Variants in CCNK observed in about 807,000 individuals in gnomAD.
CCNK encodes cyclin-K.
A neutral mutation model predicts 65.0 loss-of-function variants in CCNK; 9 were observed. That is an observed-to-expected ratio of 0.14 (90% CI 0.08 to 0.24). The LOEUF is 0.24. CCNK is among the 10% of genes least tolerant of loss of function. The pLI, the probability that CCNK is intolerant of heterozygous loss-of-function variation, is 1.00. For synonymous variants in CCNK, 279 were observed against 270.8 expected (o/e 1.03, Z -0.30); for missense variants, 474 against 720.0 (o/e 0.66, Z 3.91).
intron 4 of CCNK, among the ~76,000 whole-genome samples, chr14:99,499,751 G>A (rs1403798098): frequency 1.3e-5 from 2 of 152,150 alleles, no homozygotes; most frequent in South Asian, 2.1e-4. Flanking sequence ...AATATCCAAG[G>A]TTAAACCTTG....
chr14:99,491,197 T>A lies in CCNK; in HGVS notation c.-52-1429T>A, dbSNP rs3918060. Reference sequence around the variant, plus strand: ...ACTACAGTGAATAATCTTGTGCACATGTTGTTTCATAGTTGTGACATTTCA... The same window carrying A: ...ACTACAGTGAATAATCTTGTGCACAAGTTGTTTCATAGTTGTGACATTTCA... On this transcript the variant is annotated intron_variant, in intron 1 of 10. Coordinates refer to ENST00000389879, the MANE Select transcript of CCNK (RefSeq NM_001099402.2). 9.9e-3 allele frequency among the ~76,000 whole-genome samples: 1,501 copies of A among 152,292 alleles called. 13 individuals carry two copies. The highest frequency in any genetic ancestry group is 0.013 in the Admixed American group (197 of 15,292).
chr14:99,506,854 C>A, intron 9 of CCNK: 1 of 517,624 alleles, frequency 1.9e-6, no homozygotes, highest in Non-Finnish European at 3.5e-6. Flanking sequence ...AATGGGCTGC[C>A]TGTGGGAAGC....
intron 1 of CCNK, chr14:99,492,328 A>G (rs980935353): frequency 9.8e-6 from 2 of 204,050 alleles, no homozygotes; most frequent in African/African-American, 4.7e-5. Flanking sequence ...AAAGTGAGAT[A>G]TACTTCGTTT....
chr14:99,483,596 T>G (rs1896410387), intron 1 of CCNK, among the ~76,000 whole-genome samples: 1 of 152,210 alleles, frequency 6.6e-6, no homozygotes, highest in Admixed American at 6.5e-5. Flanking sequence ...TGTTACAGTT[T>G]ACTAGACTGG....
rs149679670 is a variant in CCNK at position 99,497,669 on chromosome 14, T to C, written c.411+2040T>C. Among the ~76,000 whole-genome samples the C allele has an allele frequency of 2.9e-3, 439 of 152,376 alleles. 1 individual carries two copies. The highest frequency in any genetic ancestry group is 9.8e-3 in the African/African-American group (408 of 41,582). On this transcript the variant is annotated intron_variant, in intron 4 of 10. Transcript: ENST00000389879. The stretch of plus-strand genomic sequence containing the variant: ...AGCTTGTATTGTCTCACAATAGTTA[T>C]CTTTTTCTCTGCCAAGCATTATGTA...
rs1896886390 is a variant in CCNK at position 99,503,277 on chromosome 14, C to A, written c.1011+293C>A. On this transcript the variant is annotated intron_variant, in intron 8 of 10. Coordinates refer to ENST00000389879, the MANE Select transcript of CCNK (RefSeq NM_001099402.2). ...TGTCGTTGCCGTGTCCTAGCAGTGT[C>A]GTTGTGCATGCTGCTTCTGTGCAGC... 9 of 623,808 alleles carry A rather than the reference C, an allele frequency of 1.4e-5. 1 individual carries two copies. The South Asian group carries it at 1.6e-4, about 11-fold the overall frequency. 38.6% of individuals were successfully genotyped at this position (623,808 alleles called of 1,614,324 possible). A position where few individuals can be genotyped will look rare whatever the true frequency, so the allele number is the denominator to read the frequency against.
In CCNK at chr14:99,512,314, C is replaced by G. The variant is rs373138565; in HGVS notation, c.*1532C>G. 5.9e-5 allele frequency: 9 copies of G among 151,882 alleles called. No individual in the cohort carries two copies. Among genetic ancestry groups the G allele is most frequent in the Non-Finnish European group, 8.8e-5 (6 of 68,010 alleles). The allele number at this position is 151,882 out of a possible 1,614,324, so 9.4% of individuals were successfully genotyped here. On this transcript the variant is annotated 3_prime_UTR_variant, in exon 11 of 11. Transcript: ENST00000389879. The stretch of plus-strand genomic sequence containing the variant: ...AGAAAATAGACGTAGCTGCCGGGCC[C>G]GGGGACAGAAACCAGACGTTCCAGT...
At chr14:99,495,972 C>T (rs2139861961) in intron 4 of CCNK, among the ~76,000 whole-genome samples, 1 of 152,178 alleles carries the variant, frequency 6.6e-6, no homozygotes. Context: ...GCTTCTGGGT[C>T]AAACAAAAGT....
intron 2 of CCNK, among the ~76,000 whole-genome samples, 165 bp from the exon 3 acceptor site, chr14:99,493,349 A>G (rs1021246344): frequency 6.6e-6 from 1 of 152,128 alleles, no homozygotes; most frequent in African/African-American, 2.4e-5. Context: ...TAATTCTTGT[A>G]CCAGAATTCT....
intron 5 of CCNK, chr14:99,501,116 A>G: frequency 1.7e-6 from 1 of 600,596 alleles, no homozygotes; most frequent in Non-Finnish European, 2.9e-6. Flanking sequence ...GAATTTTTTA[A>G]ATGGACTAAT....
intron 6 of CCNK, 71 bp downstream of exon 6, chr14:99,501,484 T>C: frequency 9.7e-7 from 1 of 1,028,948 alleles, no homozygotes; most frequent in Non-Finnish European, 1.5e-6. Flanking sequence ...CCATTTCATC[T>C]AAACCCCTCA....
At chr14:99,502,184 C>CTTTTTTTTTTTTTTTTTTT in intron 6 of CCNK, 23 bp from the exon 7 acceptor site, 1 of 1,532,404 alleles carries the variant, frequency 6.5e-7, no homozygotes, top group East Asian at 2.4e-5. Flanking sequence ...ATTATCTAAC[C>CTTTTTTTTTTTTTTTTTTT]TTTTTTTTTC....
At chr14:99,492,164 A>G (rs1239216951) in intron 1 of CCNK, 1 of 153,040 alleles carries the variant, frequency 6.5e-6, no homozygotes, top group African/African-American at 2.4e-5. Flanking sequence ...AAGTGCCTAC[A>G]TGGAATAAAC....
At position 99,492,631 on chromosome 14, in the gene CCNK, T is replaced by C. The variant is rs1896619096; in HGVS notation, c.-47T>C. The stretch of plus-strand genomic sequence containing the variant: ...TGTTTTTCTCTTTCTCATAGGATTC[T>C]AACATTTTCAGAGAACCTTTTGGAA... On this transcript the variant is annotated 5_prime_UTR_variant, in exon 2 of 11. Transcript: ENST00000389879. 3 of 1,513,394 alleles carry C rather than the reference T, an allele frequency of 2.0e-6. No individual in the cohort carries two copies. In the South Asian group the frequency reaches 3.7e-5, roughly 19 times the overall value. 93.7% of individuals were successfully genotyped at this position (1,513,394 alleles called of 1,614,324 possible). A position where few individuals can be genotyped will look rare whatever the true frequency, so the allele number is the denominator to read the frequency against.
chr14:99,507,144 C>T lies in CCNK; in HGVS notation c.1114C>T (p.Pro372Ser). 6.3e-7 allele frequency: 1 copy of T among 1,597,398 alleles called. No homozygotes were observed. Among genetic ancestry groups the T allele is most frequent in the South Asian group, 1.1e-5 (1 of 90,718 alleles). The change falls in exon 10 of 11, where the codon CCA becomes TCA. Residue 372 changes from proline (P) to serine (S), a missense_variant. By Grantham distance (74) the Pro-to-Ser change is moderately conservative. This residue lies in a region of CCNK where 229 missense variants were observed against 275.5 expected (regional missense o/e 0.83). Coordinates refer to ENST00000389879, the MANE Select transcript of CCNK (RefSeq NM_001099402.2). Reference sequence around the variant, plus strand: ...ACCGTTGCCTCCAGCCCACCCACCTCCAGGTAAGCATCTGCTGAAGCAGCT... The same window carrying T: ...ACCGTTGCCTCCAGCCCACCCACCTTCAGGTAAGCATCTGCTGAAGCAGCT... ...HPPLPPAHPP[P>S]DRKPPLAAAL...
chr14:99,499,998 T>A (rs919723569), intron 4 of CCNK, among the ~76,000 whole-genome samples: 2 of 152,308 alleles, frequency 1.3e-5, no homozygotes, highest in South Asian at 2.1e-4. Flanking sequence ...ACCCAGAAAC[T>A]GTTTGAAAAA....
rs768463516 is a variant in CCNK, at chr14:99,510,260, G to A, written c.1221G>A (p.Pro407=). The A allele has an allele frequency of 1.1e-4, 45 of 407,000 alleles. No homozygotes were observed. Among genetic ancestry groups the A allele is most frequent in the Admixed American group, 5.0e-4 (9 of 17,832 alleles). The allele number at this position is 407,000 out of a possible 1,614,324, so 25.2% of individuals were successfully genotyped here. A position where few individuals can be genotyped will look rare whatever the true frequency, so the allele number is the denominator to read the frequency against. Residue 407 remains proline, a synonymous_variant, in exon 11 of 11, where the codon CCG becomes CCA. Coordinates refer to ENST00000389879, the MANE Select transcript of CCNK (RefSeq NM_001099402.2). ...TCCAGATTCCCCCTCCGGCCCACCCGGCCCCTGTGCACCAGCCACCGCCGC... is the reference window on the plus strand; with the variant it reads ...TCCAGATTCCCCCTCCGGCCCACCCAGCCCCTGTGCACCAGCCACCGCCGC... ...PKVQIPPPAH[P]APVHQPPPLP...
intron 1 of CCNK, among the ~76,000 whole-genome samples, chr14:99,485,834 A>G (rs1164381616): frequency 6.6e-6 from 1 of 152,142 alleles, no homozygotes; most frequent in Admixed American, 6.5e-5. Context: ...CCTGGATGAC[A>G]GAGGGAGACT....
intron 1 of CCNK, among the ~76,000 whole-genome samples, chr14:99,487,998 A>G (rs373242892): frequency 2.6e-5 from 4 of 152,184 alleles, no homozygotes; most frequent in East Asian, 1.9e-4. Flanking sequence ...GAATAGTGCA[A>G]TGACAACTTA....
Sources: gnomAD v4.1 joint callset for allele counts (sites outside exome capture counted in the v4.1 genomes callset) on GRCh38, gnomAD v4.1.1 for gene constraint, gnomAD v4.1.1 regional missense constraint, MANE v1.5 for transcripts, NCBI Gene and HGNC (gene_info 2026-07-23, HGNC 2026-07-21) for gene names.